FKBP5: variants seen among roughly 807,000 people sequenced by gnomAD.
The protein encoded by FKBP5 is FKBP prolyl isomerase 5, also known as peptidyl-prolyl cis-trans isomerase FKBP5.
Under a neutral mutation model 50.5 loss-of-function variants are expected in FKBP5, and 23 were observed. The ratio of observed to expected loss-of-function variants is 0.46; its 90% CI spans 0.33 to 0.65. The LOEUF (loss-of-function observed/expected upper bound fraction) is 0.65. Ranked by LOEUF, FKBP5 falls within the 30% of genes least tolerant of loss-of-function variation. The pLI is 0.02. For synonymous variants in FKBP5, 176 were observed against 190.6 expected (o/e 0.92, Z 0.63); for missense variants, 411 against 553.1 (o/e 0.74, Z 2.58).
intron 5 of FKBP5, among the ~76,000 whole-genome samples, chr6:35,598,253 C>G (rs1244083316): frequency 6.6e-6 from 1 of 152,136 alleles, no homozygotes; most frequent in Non-Finnish European, 1.5e-5. Context: ...CGCAGTCTTG[C>G]TCTGTCTCAC....
intron 1 of FKBP5, among the ~76,000 whole-genome samples, chr6:35,672,774 A>T (rs1053864013): frequency 6.8e-6 from 1 of 147,194 alleles, no homozygotes. Context: ...AAAAAAAAAT[A>T]CAAAAAATTA....
chr6:35,600,013 T>A (rs748164366), intron 5 of FKBP5, among the ~76,000 whole-genome samples: 5 of 152,156 alleles, frequency 3.3e-5, no homozygotes, highest in Non-Finnish European at 7.3e-5. Flanking sequence ...CTCGGCTAAG[T>A]GGTATAGCAT....
In FKBP5 at chr6:35,699,876, A is replaced by C. The variant is rs186338074; in HGVS notation, c.-20+20452T>G. Among the ~76,000 whole-genome samples the C allele has an allele frequency of 3.6e-3, 541 of 152,142 alleles. 3 individuals carry two copies. Among genetic ancestry groups the C allele is most frequent in the African/African-American group, 9.9e-3 (413 of 41,520 alleles). The stretch of plus-strand genomic sequence containing the variant: ...GGCCTGGTCAACATGGCGAAACCCT[A>C]TCTCTACTAAAAATACAAAAATTAG... On this transcript the variant is annotated intron_variant, in intron 2 of 11. Transcript: ENST00000536438.
chr6:35,703,343 C>T (rs777052116), intron 2 of FKBP5, among the ~76,000 whole-genome samples: 3 of 151,788 alleles, frequency 2.0e-5, no homozygotes, highest in East Asian at 1.9e-4. Context: ...ACCCGGGAGG[C>T]GGAGGTTGTA....
At chr6:35,581,475 G>A (rs903126445) in intron 8 of FKBP5, 54 of 634,878 alleles carry the variant, frequency 8.5e-5, no homozygotes, top group Admixed American at 3.8e-4. Flanking sequence ...CTGTAATCCC[G>A]GCTACTTAGG....
intron 1 of FKBP5, among the ~76,000 whole-genome samples, chr6:35,685,982 CAAAA>C (rs60786619): frequency 6.5e-5 from 3 of 46,256 alleles, no homozygotes; most frequent in East Asian, 1.2e-3. Context: ...AACGCCATCT[CAAAA>C]AAAAAAAAAA....
At chr6:35,701,219 G>GTTTT (rs1243273680) in intron 2 of FKBP5, among the ~76,000 whole-genome samples, 6 of 92,980 alleles carry the variant, frequency 6.5e-5, no homozygotes, top group African/African-American at 2.5e-4. Context: ...TTGTTTGTTT[G>GTTTT]TTTGTTTGTT....
At chr6:35,613,833 G>GGATGAAATTTCCCAGAT (rs1314840532) in intron 5 of FKBP5, among the ~76,000 whole-genome samples, 1 of 152,148 alleles carries the variant, frequency 6.6e-6, no homozygotes, top group Non-Finnish European at 1.5e-5. Context: ...AAATTTCCCA[G>GGATGAAATTTCCCAGAT]GAAAGTACAT....
intron 1 of FKBP5, among the ~76,000 whole-genome samples, chr6:35,651,606 C>T (rs1764800478): frequency 6.6e-6 from 1 of 152,084 alleles, no homozygotes. Flanking sequence ...GCAAATAAAA[C>T]CGTGGCTTTC....
intron 3 of FKBP5, among the ~76,000 whole-genome samples, chr6:35,631,791 C>T (rs1384455512): frequency 2.0e-5 from 3 of 151,836 alleles, no homozygotes; most frequent in Non-Finnish European, 4.4e-5. Flanking sequence ...CCCATCTCTA[C>T]TAAAAATACA....
At chr6:35,617,143 T>A (rs1027010425) in intron 5 of FKBP5, among the ~76,000 whole-genome samples, 17 of 152,064 alleles carry the variant, frequency 1.1e-4, no homozygotes, top group African/African-American at 3.9e-4. Context: ...CTTCATGTAT[T>A]CAAAAACTTA....
At chr6:35,607,261 C>G (rs141686434) in intron 5 of FKBP5, among the ~76,000 whole-genome samples, 1 of 151,938 alleles carries the variant, frequency 6.6e-6, no homozygotes, top group Non-Finnish European at 1.5e-5. Flanking sequence ...GACAGGGTCT[C>G]GCTTTGTTGC....
intron 2 of FKBP5, among the ~76,000 whole-genome samples, chr6:35,702,307 T>G (rs2151019037): frequency 6.6e-6 from 1 of 152,130 alleles, no homozygotes; most frequent in African/African-American, 2.4e-5. Flanking sequence ...AACAAACCCT[T>G]GTGACATGAG....
chr6:35,637,207 A>T (rs1397754071), intron 2 of FKBP5, 49 bp from the exon 3 acceptor site: 1 of 1,553,052 alleles, frequency 6.4e-7, no homozygotes, highest in African/African-American at 1.4e-5. Flanking sequence ...TTTTACTTGT[A>T]ATCAGAGAAT....
chr6:35,610,591 A>AAAAT (rs71002577), intron 5 of FKBP5, among the ~76,000 whole-genome samples: 6 of 147,980 alleles, frequency 4.1e-5, no homozygotes, highest in Non-Finnish European at 6.0e-5. Context: ...AAAAAAAAAA[A>AAAAT]GTTTCAAAAA....
rs920022971 is a variant in FKBP5 at position 35,699,817 on chromosome 6, C to T, written c.-20+20511G>A. Among the ~76,000 whole-genome samples the T allele has an allele frequency of 2.3e-4, 35 of 152,058 alleles. 1 individual carries two copies. The highest frequency in any genetic ancestry group is 4.4e-5 in the Non-Finnish European group (3 of 68,018). On this transcript the variant is annotated intron_variant, in intron 2 of 11. Transcript: ENST00000536438. ...ATCTTATCACTTTGGGAGGCCGATG[C>T]GGGCAGATTACCTGAGGTCAGGAGT...
intron 1 of FKBP5, among the ~76,000 whole-genome samples, chr6:35,721,288 G>A (rs1349054761): frequency 6.6e-6 from 1 of 151,696 alleles, no homozygotes; most frequent in Non-Finnish European, 1.5e-5. Flanking sequence ...AGAGGTGGAG[G>A]TTGCAGTGAG....
chr6:35,588,542 C>A (rs1297360051), intron 7 of FKBP5, among the ~76,000 whole-genome samples: 4 of 151,390 alleles, frequency 2.6e-5, no homozygotes, highest in Non-Finnish European at 4.4e-5. Context: ...TTTATTTTTT[C>A]TTTTTCTAAG....
chr6:35,664,382 C>G (rs1437947683), intron 1 of FKBP5, among the ~76,000 whole-genome samples: 1 of 152,080 alleles, frequency 6.6e-6, no homozygotes, highest in Non-Finnish European at 1.5e-5. Context: ...TACCCAAGAC[C>G]CTTTTTCCGT....
Sources: allele counts gnomAD v4.1 joint callset (sites outside exome capture counted in the v4.1 genomes callset), GRCh38; gene constraint gnomAD v4.1.1; transcripts MANE v1.5; gene names NCBI Gene and HGNC (gene_info 2026-07-23, HGNC 2026-07-21).